IL1RAP: variants seen among roughly 807,000 people sequenced by gnomAD.
IL1RAP encodes the protein interleukin 1 receptor accessory protein, also known as interleukin-1 receptor accessory protein.
IL1RAP carries 35 observed loss-of-function variants against 60.7 expected under a neutral mutation model. The observed-to-expected ratio is 0.58, with a 90% CI of 0.44 to 0.76. IL1RAP has a LOEUF of 0.76. IL1RAP is among the 30% of genes least tolerant of loss of function. IL1RAP has a pLI of 0.00. For missense variants in IL1RAP, 572 were observed against 693.9 expected (o/e 0.82, Z 1.97); for synonymous variants, 268 against 250.9 (o/e 1.07, Z -0.64).
In IL1RAP at chr3:190,551,091, T is replaced by C. The variant is rs148175085; in HGVS notation, c.-88-5039T>C. 8.5e-3 allele frequency among the ~76,000 whole-genome samples: 1,288 copies of C among 152,304 alleles called. 12 individuals are homozygous for C. Among genetic ancestry groups the C allele is most frequent in the African/African-American group, 0.025 (1,041 of 41,556 alleles). ...AATACCTATGAGTTGGGTGATCCTC[T>C]CCTCTTAAGGTCCCAAGATAAATTT... On this transcript the variant is annotated intron_variant, in intron 1 of 11. Coordinates refer to ENST00000447382, the MANE Select transcript of IL1RAP (RefSeq NM_002182.4).
rs146117233 is a variant in IL1RAP at position 190,592,577 on chromosome 3, T to G, written c.65-11551T>G. 2.0e-5 allele frequency among the ~76,000 whole-genome samples: 3 copies of G among 152,290 alleles called. No individual in the cohort carries two copies. The East Asian group carries it at 5.8e-4, about 29-fold the overall frequency. ...AGAAAACCCAGGGTTTTTATTCAGG[T>G]GCTCTCCCACAAGGAAAACTTTGTA... On this transcript the variant is annotated intron_variant, in intron 3 of 11. Coordinates refer to ENST00000447382, the MANE Select transcript of IL1RAP (RefSeq NM_002182.4).
intron 4 of IL1RAP, among the ~76,000 whole-genome samples, chr3:190,608,042 T>C (rs1730498676): frequency 6.6e-6 from 1 of 152,218 alleles, no homozygotes; most frequent in Non-Finnish European, 1.5e-5. Flanking sequence ...TGCATAAATA[T>C]GCCATTCATG....
chr3:190,623,666 G>A (rs566961559), intron 7 of IL1RAP, among the ~76,000 whole-genome samples: 105 of 152,296 alleles, frequency 6.9e-4, no homozygotes, highest in African/African-American at 2.4e-3. Context: ...CTCTGCTGAT[G>A]AGTGATTTCT....
chr3:190,533,040 C>T (rs971315812), intron 1 of IL1RAP, among the ~76,000 whole-genome samples: 1 of 152,174 alleles, frequency 6.6e-6, no homozygotes. Context: ...AACCCCTAGT[C>T]TCCTAGTTTT....
chr3:190,543,539 G>T (rs1182838830), intron 1 of IL1RAP, among the ~76,000 whole-genome samples: 1 of 152,156 alleles, frequency 6.6e-6, no homozygotes, highest in Non-Finnish European at 1.5e-5. Flanking sequence ...TTAGGAAGAA[G>T]GTAGAAATTA....
chr3:190,600,573 T>C (rs1029644564), intron 3 of IL1RAP, among the ~76,000 whole-genome samples: 2 of 152,238 alleles, frequency 1.3e-5, no homozygotes, highest in Non-Finnish European at 2.9e-5. Flanking sequence ...AGGGAGCCTC[T>C]GTCTCTGTGC....
downstream of IL1RAP, among the ~76,000 whole-genome samples, chr3:190,653,655 G>T (rs959495803): frequency 6.6e-6 from 1 of 151,918 alleles, no homozygotes; most frequent in Non-Finnish European, 1.5e-5. Context: ...GAGTATTGAA[G>T]AGTTCTCAGT....
chr3:190,536,369 A>G (rs1723463134), intron 1 of IL1RAP, among the ~76,000 whole-genome samples: 1 of 151,988 alleles, frequency 6.6e-6, no homozygotes, highest in African/African-American at 2.4e-5. Flanking sequence ...TATTTACTTG[A>G]TAATTGACAC....
At chr3:190,607,141 C>A (rs1730401581) in intron 4 of IL1RAP, among the ~76,000 whole-genome samples, 1 of 151,968 alleles carries the variant, frequency 6.6e-6, no homozygotes, top group African/African-American at 2.4e-5. Context: ...GAGTGCATAC[C>A]CCACCCCTTC....
intron 1 of IL1RAP, among the ~76,000 whole-genome samples, chr3:190,539,872 C>A (rs1010321894): frequency 2.6e-5 from 4 of 151,812 alleles, no homozygotes; most frequent in Non-Finnish European, 2.9e-5. Context: ...CCCGTTACAT[C>A]CATTTCTTTT....
chr3:190,514,453 T>C (rs1160038636), intron 1 of IL1RAP, among the ~76,000 whole-genome samples: 1 of 152,126 alleles, frequency 6.6e-6, no homozygotes, highest in Non-Finnish European at 1.5e-5. Context: ...AGTAACGCGG[T>C]TGTGGGACGT....
chr3:190,658,736 A>G (rs1734692431), exon 12 of IL1RAP: 1 of 152,118 alleles, frequency 6.6e-6, no homozygotes, highest in Admixed American at 6.6e-5. Context: ...TCATCTCACT[A>G]CCCCTCTTGA....
At chr3:190,638,847 T>A (rs1733431994) in intron 9 of IL1RAP, among the ~76,000 whole-genome samples, 1 of 152,190 alleles carries the variant, frequency 6.6e-6, no homozygotes, top group African/African-American at 2.4e-5. Flanking sequence ...ATTATGTTTC[T>A]CTGGTGCCTT....
chr3:190,555,926 G>GTCTATCTATCTATCTATCTATCTA (rs67490704), intron 1 of IL1RAP: 1 of 145,028 alleles, frequency 6.9e-6, no homozygotes, highest in Non-Finnish European at 1.5e-5. Flanking sequence ...ATAGAGATCT[G>GTCTATCTATCTATCTATCTATCTA]TCTATCTATC....
intron 5 of IL1RAP, among the ~76,000 whole-genome samples, chr3:190,617,650 T>C (rs963969577): frequency 2.0e-5 from 3 of 152,242 alleles, no homozygotes; most frequent in Non-Finnish European, 2.9e-5. Flanking sequence ...GTTTGTTTTC[T>C]TCTGGATTCC....
downstream of IL1RAP, chr3:190,656,327 C>T (rs746462019): frequency 3.3e-6 from 5 of 1,537,208 alleles, no homozygotes; most frequent in Non-Finnish European, 3.5e-6. Flanking sequence ...AGCCCTCCAG[C>T]CCCAGGCACA....
chr3:190,556,299 T>A (rs1725423894), intron 2 of IL1RAP, 83 bp downstream of exon 2: 1 of 152,126 alleles, frequency 6.6e-6, no homozygotes. Context: ...TCAGTTTCTT[T>A]CAAATTTAAA....
At chr3:190,522,401 A>G in intron 1 of IL1RAP, among the ~76,000 whole-genome samples, 1 of 135,748 alleles carries the variant, frequency 7.4e-6, no homozygotes, top group East Asian at 2.2e-4. Flanking sequence ...CTTTCTATGT[A>G]TCTATCTATG....
intron 9 of IL1RAP, among the ~76,000 whole-genome samples, chr3:190,639,786 C>T (rs1733517899): frequency 6.6e-6 from 1 of 152,120 alleles, no homozygotes; most frequent in Non-Finnish European, 1.5e-5. Context: ...TTTAAAAAAG[C>T]ATCTTATCTT....
Sources: allele counts gnomAD v4.1 joint callset (sites outside exome capture counted in the v4.1 genomes callset), GRCh38; gene constraint gnomAD v4.1.1; transcripts MANE v1.5; gene names NCBI Gene and HGNC (gene_info 2026-07-23, HGNC 2026-07-21).